The following MRPS27 variants were observed in gnomAD, a reference collection of about 807,000 sequenced individuals.
MRPS27 encodes mitochondrial ribosomal protein S27, also known as small ribosomal subunit protein mS27.
In MRPS27, 43 loss-of-function variants were observed where a neutral mutation model predicts 48.9. The ratio of observed to expected loss-of-function variants is 0.88; its 90% CI spans 0.69 to 1.13. The LOEUF is 1.13. Among genes scored for constraint, MRPS27 ranks in the 50% most tolerant of loss-of-function variants. The probability of loss-of-function intolerance (pLI) is 0.00; values close to 1 mark genes in which losing one functional copy is unlikely to be tolerated. For synonymous variants in MRPS27, 188 were observed against 171.9 expected (o/e 1.09, Z -0.73); for missense variants, 467 against 476.3 (o/e 0.98, Z 0.18).
chr5:72,309,126 A>G lies in MRPS27; in HGVS notation c.151+4955T>C, dbSNP rs75887681. Among the ~76,000 whole-genome samples, 48 of 152,120 alleles carry G rather than the reference A, an allele frequency of 3.2e-4. No homozygotes were observed. In the East Asian group the frequency reaches 6.2e-3, roughly 20 times the overall value. ...TTCTGACTGGAGAGATTCAGGATAT[A>G]CAAAGATATTCTAGGCAGAGGGGAC... is the stretch of plus-strand genomic sequence containing the variant. On this transcript the variant is annotated intron_variant, in intron 2 of 10. Coordinates refer to ENST00000261413, the MANE Select transcript of MRPS27 (RefSeq NM_015084.3).
At chr5:72,302,322 T>A (rs1379025767) in intron 2 of MRPS27, among the ~76,000 whole-genome samples, 1 of 152,162 alleles carries the variant, frequency 6.6e-6, no homozygotes, top group Non-Finnish European at 1.5e-5. Context: ...TTCAGATTCC[T>A]AGGATTCTTT....
At chr5:72,235,423 G>A (rs1748174292) in intron 5 of MRPS27, among the ~76,000 whole-genome samples, 1 of 152,044 alleles carries the variant, frequency 6.6e-6, no homozygotes, top group Non-Finnish European at 1.5e-5. Context: ...CTACAATGGT[G>A]GATACATGTC....
intron 4 of MRPS27, among the ~76,000 whole-genome samples, chr5:72,241,262 G>C (rs1266705434): frequency 6.6e-6 from 1 of 152,086 alleles, no homozygotes; most frequent in Non-Finnish European, 1.5e-5. Context: ...TAAAGAGCTG[G>C]GATTATAGGC....
intron 4 of MRPS27, among the ~76,000 whole-genome samples, chr5:72,272,078 T>G (rs11749445): frequency 6.6e-6 from 1 of 151,852 alleles, no homozygotes; most frequent in African/African-American, 2.4e-5. Context: ...AACACTGGGA[T>G]TCCCCCCCCA....
intron 1 of MRPS27, among the ~76,000 whole-genome samples, chr5:72,315,932 CA>C (rs561791370): frequency 2.5e-4 from 38 of 152,252 alleles, no homozygotes; most frequent in African/African-American, 8.7e-4. Context: ...AACAAATGTT[CA>C]CAGTAGTATT....
chr5:72,290,606 A>C (rs1749791449), intron 4 of MRPS27, among the ~76,000 whole-genome samples: 1 of 152,190 alleles, frequency 6.6e-6, no homozygotes, highest in South Asian at 2.1e-4. Flanking sequence ...TCTCTGCATC[A>C]GTAAAATAAA....
intron 2 of MRPS27, 41 bp from the exon 3 acceptor site, chr5:72,297,743 CA>C (rs753502731): frequency 1.5e-6 from 2 of 1,357,958 alleles, no homozygotes; most frequent in East Asian, 4.9e-5. Context: ...GTTAAAGATA[CA>C]TATTTTTTTA....
intron 4 of MRPS27, among the ~76,000 whole-genome samples, chr5:72,289,317 A>G (rs1410346928): frequency 6.6e-6 from 1 of 151,308 alleles, no homozygotes; most frequent in Non-Finnish European, 1.5e-5. Flanking sequence ...TCTGAGAAAA[A>G]CTCATCTTCC....
intron 4 of MRPS27, among the ~76,000 whole-genome samples, chr5:72,244,835 G>GA (rs1158450117): frequency 3.3e-5 from 5 of 151,576 alleles, no homozygotes; most frequent in East Asian, 1.9e-4. Flanking sequence ...TTCTGATACA[G>GA]AAAAAATACC....
chr5:72,312,035 G>A (rs1750453083), intron 2 of MRPS27, among the ~76,000 whole-genome samples: 1 of 152,334 alleles, frequency 6.6e-6, no homozygotes, highest in Non-Finnish European at 1.5e-5. Context: ...AGGAGGTGGA[G>A]GCAGGAGAAT....
rs200353951 is a variant in MRPS27, at chr5:72,246,450, C to CT, written c.282-8323_282-8322insA. On this transcript the variant is annotated intron_variant, in intron 4 of 10. Coordinates refer to ENST00000261413, the MANE Select transcript of MRPS27 (RefSeq NM_015084.3). ...CTTTAATGCAAGTTGAGGGAACAGA[C>CT]AAGCTGCTAGGAGAGTGAAGCCGTT... Among the ~76,000 whole-genome samples the CT allele has an allele frequency of 6.6e-3, 1,012 of 152,294 alleles. 8 individuals carry two copies. The highest frequency in any genetic ancestry group is 0.021 in the African/African-American group (869 of 41,550).
At chr5:72,252,733 A>G (rs1561340243) in intron 4 of MRPS27, among the ~76,000 whole-genome samples, 1 of 152,192 alleles carries the variant, frequency 6.6e-6, no homozygotes. Context: ...ATAGCAGGAA[A>G]TTCATATTAT....
intron 7 of MRPS27, chr5:72,229,101 C>T (rs964577985): frequency 2.6e-5 from 4 of 152,176 alleles, no homozygotes; most frequent in Non-Finnish European, 5.9e-5. Context: ...TGGCAACTCC[C>T]CAGTGGGATC....
intron 3 of MRPS27, 61 bp downstream of exon 3, chr5:72,297,571 G>A (rs1750012611): frequency 9.6e-7 from 1 of 1,044,454 alleles, no homozygotes; most frequent in African/African-American, 1.6e-5. Context: ...TCATCTACAT[G>A]AAGGGCCTTT....
Position 72,242,389 on chromosome 5 carries a change from T to C in MRPS27, c.282-4261A>G, listed in dbSNP as rs1460885079. Among the ~76,000 whole-genome samples the C allele has an allele frequency of 2.7e-5, 4 of 148,458 alleles. No homozygotes were observed. The East Asian group carries it at 7.9e-4, about 29-fold the overall frequency. On this transcript the variant is annotated intron_variant, in intron 4 of 10. Coordinates refer to ENST00000261413, the MANE Select transcript of MRPS27 (RefSeq NM_015084.3). ...AAGTCTTGGATATCACAGAGATTTC[T>C]TAGAAGGGAAGAGAGGTTATATAAA... is the stretch of plus-strand genomic sequence containing the variant.
chr5:72,254,416 A>G (rs760687107), intron 4 of MRPS27, among the ~76,000 whole-genome samples: 2 of 152,134 alleles, frequency 1.3e-5, no homozygotes, highest in Non-Finnish European at 2.9e-5. Flanking sequence ...GAAAAAAGAG[A>G]CCAAGGGAGA....
At chr5:72,307,355 T>A (rs1011929711) in intron 2 of MRPS27, among the ~76,000 whole-genome samples, 1 of 150,594 alleles carries the variant, frequency 6.6e-6, no homozygotes, top group South Asian at 2.1e-4. Context: ...TCTAAGAAAA[T>A]AAAATAAAAT....
chr5:72,290,994 T>G (rs772997201), intron 4 of MRPS27, among the ~76,000 whole-genome samples: 7 of 152,110 alleles, frequency 4.6e-5, no homozygotes, highest in Non-Finnish European at 8.8e-5. Flanking sequence ...AAAGCGGAAA[T>G]GCTCCTGTCT....
intron 4 of MRPS27, chr5:72,241,468 G>A: frequency 1.7e-6 from 1 of 582,388 alleles, no homozygotes; most frequent in Non-Finnish European, 3.0e-6. Context: ...TTACGTGAGT[G>A]GCTATCTGGA....
Sources: gnomAD v4.1 joint callset for allele counts (sites outside exome capture counted in the v4.1 genomes callset) on GRCh38, gnomAD v4.1.1 for gene constraint, MANE v1.5 for transcripts, NCBI Gene and HGNC (gene_info 2026-07-23, HGNC 2026-07-21) for gene names.